Variants in NXPE2 observed in about 807,000 individuals in gnomAD.
NXPE2 encodes the protein neurexophilin and PC-esterase domain family member 2, also known as NXPE family member 2.
A neutral mutation model predicts 34.4 loss-of-function variants in NXPE2; 34 were observed. The ratio of observed to expected loss-of-function variants is 0.99; its 90% CI spans 0.75 to 1.31. The LOEUF is 1.31. Among genes scored for constraint, NXPE2 ranks in the 40% most tolerant of loss-of-function variants. The pLI, the probability that NXPE2 is intolerant of heterozygous loss-of-function variation, is 0.00. For synonymous variants in NXPE2, 235 were observed against 231.3 expected (o/e 1.02, Z -0.15); for missense variants, 649 against 672.5 (o/e 0.97, Z 0.39).
chr11:114,665,112 G>A, the NXPE2 span, among the ~76,000 whole-genome samples: 1 of 151,940 alleles, frequency 6.6e-6, no homozygotes, highest in Non-Finnish European at 1.5e-5. Flanking sequence ...TGTGTATTAG[G>A]GTTTCATTAT....
At chr11:114,598,864 C>T in the NXPE2 span, among the ~76,000 whole-genome samples, 1 of 152,134 alleles carries the variant, frequency 6.6e-6, no homozygotes, top group Non-Finnish European at 1.5e-5. Flanking sequence ...CACCTGCAGG[C>T]TTAACACCCT....
intron 2 of NXPE2, among the ~76,000 whole-genome samples, chr11:114,691,559 T>C (rs935715691): frequency 6.2e-5 from 9 of 146,090 alleles, no homozygotes; most frequent in Admixed American, 3.4e-4. Flanking sequence ...CCTTCAGTGG[T>C]GGTGGAGACA....
the NXPE2 span, among the ~76,000 whole-genome samples, chr11:114,500,683 C>T: frequency 6.6e-6 from 1 of 152,092 alleles, no homozygotes; most frequent in Admixed American, 6.5e-5. Flanking sequence ...GAAATCCTTA[C>T]TTACCTAAAT....
At chr11:114,799,496 G>A in the NXPE2 span, among the ~76,000 whole-genome samples, 1 of 152,172 alleles carries the variant, frequency 6.6e-6, no homozygotes, top group East Asian at 1.9e-4. Flanking sequence ...ACCATTATAA[G>A]CCAGTGGGCA....
the NXPE2 span, among the ~76,000 whole-genome samples, chr11:114,639,137 G>C: frequency 1.3e-5 from 2 of 152,002 alleles, no homozygotes; most frequent in Non-Finnish European, 2.9e-5. Flanking sequence ...GAGCTTCCCG[G>C]CTGCTTTGTT....
At chr11:114,633,887 C>G in the NXPE2 span, among the ~76,000 whole-genome samples, 1 of 151,944 alleles carries the variant, frequency 6.6e-6, no homozygotes, top group African/African-American at 2.4e-5. Flanking sequence ...GGGTTGGTTC[C>G]AAGTCTGCTA....
chr11:114,590,868 G>A, the NXPE2 span, among the ~76,000 whole-genome samples: 1 of 152,166 alleles, frequency 6.6e-6, no homozygotes, highest in Non-Finnish European at 1.5e-5. Flanking sequence ...CTTTTATGGG[G>A]AACCTTTGGC....
chr11:114,658,083 G>T, the NXPE2 span, among the ~76,000 whole-genome samples: 1 of 152,142 alleles, frequency 6.6e-6, no homozygotes, highest in Non-Finnish European at 1.5e-5. Flanking sequence ...GGACTTAGCT[G>T]CAAGAGGCAT....
chr11:114,788,477 C>T, the NXPE2 span, among the ~76,000 whole-genome samples: 1 of 152,278 alleles, frequency 6.6e-6, no homozygotes, highest in South Asian at 2.1e-4. Flanking sequence ...CAGAGAAAAT[C>T]CTGTTCATAT....
chr11:114,673,701 A>C (rs148094458), upstream of NXPE2, among the ~76,000 whole-genome samples: 189 of 152,008 alleles, frequency 1.2e-3, no homozygotes, highest in African/African-American at 4.3e-3. Flanking sequence ...AGAGAAAGTT[A>C]AACTTGGGAA....
At chr11:114,732,367 G>A in the NXPE2 span, among the ~76,000 whole-genome samples, 5 of 152,150 alleles carry the variant, frequency 3.3e-5, no homozygotes, top group African/African-American at 1.2e-4. Flanking sequence ...TGTGAGATCT[G>A]CTGAGGCCAC....
chr11:114,638,909 T>C, the NXPE2 span, among the ~76,000 whole-genome samples: 2 of 151,372 alleles, frequency 1.3e-5, no homozygotes, highest in Admixed American at 1.3e-4. Flanking sequence ...TGCTTGGGGG[T>C]CAGGGGTCAG....
the NXPE2 span, among the ~76,000 whole-genome samples, chr11:114,650,425 A>G: frequency 6.6e-6 from 1 of 152,210 alleles, no homozygotes; most frequent in Non-Finnish European, 1.5e-5. Flanking sequence ...AGAGAAGACC[A>G]GGAGATTGAG....
the NXPE2 span, among the ~76,000 whole-genome samples, chr11:114,614,109 C>T: frequency 2.0e-5 from 3 of 151,866 alleles, no homozygotes; most frequent in South Asian, 2.1e-4. Context: ...AGTGTTGCCT[C>T]GTGGGTAACC....
chr11:114,660,901 G>C, the NXPE2 span, among the ~76,000 whole-genome samples: 1 of 151,988 alleles, frequency 6.6e-6, no homozygotes, highest in Admixed American at 6.6e-5. Context: ...AGATTATAAG[G>C]TTCAACGTTA....
At chr11:114,601,772 T>TTA in the NXPE2 span, among the ~76,000 whole-genome samples, 3 of 72,720 alleles carry the variant, frequency 4.1e-5, no homozygotes, top group Admixed American at 2.6e-4. Context: ...TGATTATATA[T>TTA]TATAATTATA....
chr11:114,541,521 C>CA, the NXPE2 span, among the ~76,000 whole-genome samples: 1 of 152,192 alleles, frequency 6.6e-6, no homozygotes, highest in Non-Finnish European at 1.5e-5. Context: ...CGACACGTGA[C>CA]ACAGCCGTCA....
At chr11:114,662,155 T>G in the NXPE2 span, among the ~76,000 whole-genome samples, 3 of 152,148 alleles carry the variant, frequency 2.0e-5, no homozygotes, top group Non-Finnish European at 4.4e-5. Flanking sequence ...AAAGCAATCT[T>G]GAATTGCCAA....
chr11:114,748,559 G>C, the NXPE2 span, among the ~76,000 whole-genome samples: 1 of 152,160 alleles, frequency 6.6e-6, no homozygotes, highest in African/African-American at 2.4e-5. Context: ...GAAGACTACA[G>C]ACCAGTTACT....
Sources: gnomAD v4.1 joint callset for allele counts (sites outside exome capture counted in the v4.1 genomes callset) on GRCh38, gnomAD v4.1.1 for gene constraint, MANE v1.5 for transcripts, NCBI Gene and HGNC (gene_info 2026-07-23, HGNC 2026-07-21) for gene names.